Variants in PAFAH1B1 observed in about 807,000 individuals in gnomAD.
PAFAH1B1 encodes platelet-activating factor acetylhydrolase IB subunit beta.
A neutral mutation model predicts 57.5 loss-of-function variants in PAFAH1B1; 2 were observed. The ratio of observed to expected loss-of-function variants is 0.03; its 90% confidence interval spans 0.01 to 0.11. PAFAH1B1 has a LOEUF of 0.11. Ranked by LOEUF, PAFAH1B1 falls within the 10% of genes least tolerant of loss-of-function variation. The probability of loss-of-function intolerance (pLI) is 1.00; values close to 1 mark genes in which losing one functional copy is unlikely to be tolerated. For synonymous variants in PAFAH1B1, 152 were observed against 169.6 expected (o/e 0.90, Z 0.81); for missense variants, 257 against 512.0 (o/e 0.50, Z 4.81).
At chr17:2,625,675 C>T (rs1471306430) in intron 1 of PAFAH1B1, among the ~76,000 whole-genome samples, 3 of 152,194 alleles carry the variant, frequency 2.0e-5, no homozygotes, top group African/African-American at 7.2e-5. Context: ...CCTGTAATCT[C>T]AGCACTTTGG....
intron 1 of PAFAH1B1, among the ~76,000 whole-genome samples, chr17:2,621,926 C>G (rs1011233585): frequency 1.3e-5 from 2 of 152,088 alleles, no homozygotes; most frequent in African/African-American, 4.8e-5. Context: ...GCTTCAGAAT[C>G]ATGGCAGGAG....
chr17:2,667,988 T>TA (rs2069130970), intron 5 of PAFAH1B1, among the ~76,000 whole-genome samples: 1 of 151,832 alleles, frequency 6.6e-6, no homozygotes, highest in Admixed American at 6.6e-5. Flanking sequence ...ATCCTAAGGG[T>TA]TATTTCAAAG....
intron 4 of PAFAH1B1, among the ~76,000 whole-genome samples, chr17:2,666,298 A>G (rs1033804982): frequency 2.0e-5 from 3 of 152,182 alleles, no homozygotes; most frequent in Non-Finnish European, 4.4e-5. Flanking sequence ...ACTGGGTTCA[A>G]TCTGCATAGT....
chr17:2,622,082 C>T (rs899217418), intron 1 of PAFAH1B1, among the ~76,000 whole-genome samples: 1 of 152,146 alleles, frequency 6.6e-6, no homozygotes, highest in African/African-American at 2.4e-5. Flanking sequence ...GATTCAGTTA[C>T]CTCCCCCTGG....
At chr17:2,637,172 C>T (rs2068635158) in intron 1 of PAFAH1B1, among the ~76,000 whole-genome samples, 1 of 152,150 alleles carries the variant, frequency 6.6e-6, no homozygotes, top group South Asian at 2.1e-4. Flanking sequence ...CCCACAGGAT[C>T]TTCATTATAT....
chr17:2,634,851 C>A (rs975837071), intron 1 of PAFAH1B1, among the ~76,000 whole-genome samples: 1 of 152,154 alleles, frequency 6.6e-6, no homozygotes, highest in Non-Finnish European at 1.5e-5. Flanking sequence ...TTCCAGTAGA[C>A]TGTAACTTCT....
At chr17:2,678,514 C>A (rs570630025) in intron 9 of PAFAH1B1, among the ~76,000 whole-genome samples, 2 of 151,708 alleles carry the variant, frequency 1.3e-5, no homozygotes, top group East Asian at 1.9e-4. Flanking sequence ...TGCAGTGAGC[C>A]GAGATCGCAC....
At chr17:2,673,954 C>G (rs2069223491) in intron 7 of PAFAH1B1, 106 bp from the exon 8 acceptor site, 3 of 785,420 alleles carry the variant, frequency 3.8e-6, no homozygotes, top group Admixed American at 2.0e-5. Context: ...ACTTGCATCT[C>G]TAACTTGGTA....
intron 2 of PAFAH1B1, among the ~76,000 whole-genome samples, chr17:2,656,136 G>A (rs967496741): frequency 1.4e-4 from 21 of 152,108 alleles, no homozygotes; most frequent in Non-Finnish European, 2.5e-4. Flanking sequence ...ATGTTGGCCA[G>A]GCTGGTCTCG....
At chr17:2,602,620 A>G (rs2068157888) in intron 1 of PAFAH1B1, among the ~76,000 whole-genome samples, 1 of 152,150 alleles carries the variant, frequency 6.6e-6, no homozygotes, top group Non-Finnish European at 1.5e-5. Flanking sequence ...CTCTAAATTC[A>G]GTCTTGTCCG....
At chr17:2,665,576 C>T (rs2069095134) in intron 3 of PAFAH1B1, 120 bp downstream of exon 3, 2 of 627,236 alleles carry the variant, frequency 3.2e-6, no homozygotes, top group Non-Finnish European at 5.7e-6. Flanking sequence ...TGGTACTGAA[C>T]TTGATTTTCA....
intron 1 of PAFAH1B1, among the ~76,000 whole-genome samples, chr17:2,636,979 C>T (rs2068632827): frequency 6.6e-6 from 1 of 152,078 alleles, no homozygotes; most frequent in Non-Finnish European, 1.5e-5. Context: ...CCTTAACCTC[C>T]CAAAGTACTA....
chr17:2,622,089 CT>C (rs771112665), intron 1 of PAFAH1B1, among the ~76,000 whole-genome samples: 40 of 152,202 alleles, frequency 2.6e-4, no homozygotes, highest in Non-Finnish European at 5.0e-4. Context: ...TTACCTCCCC[CT>C]GGGTCTCTCC....
intron 1 of PAFAH1B1, among the ~76,000 whole-genome samples, chr17:2,604,704 G>T (rs185733385): frequency 4.5e-4 from 69 of 152,086 alleles, no homozygotes; most frequent in Admixed American, 4.1e-3. Flanking sequence ...CCAGCTACTC[G>T]GGAGACTGAG....
At chr17:2,669,472 C>T (rs1010803584) in intron 5 of PAFAH1B1, among the ~76,000 whole-genome samples, 7 of 152,070 alleles carry the variant, frequency 4.6e-5, no homozygotes, top group African/African-American at 1.7e-4. Context: ...CCATATTAGC[C>T]AGGATAGTCT....
At chr17:2,610,725 T>C (rs1381172851) in intron 1 of PAFAH1B1, among the ~76,000 whole-genome samples, 3 of 152,224 alleles carry the variant, frequency 2.0e-5, no homozygotes, top group East Asian at 1.9e-4. Context: ...TAGCACAAGC[T>C]TGGGCTAGAG....
chr17:2,655,988 A>G (rs571593254), intron 2 of PAFAH1B1, among the ~76,000 whole-genome samples: 1 of 152,090 alleles, frequency 6.6e-6, no homozygotes, highest in South Asian at 2.1e-4. Context: ...CAGTGGCACG[A>G]TCTCGGCTCA....
intron 7 of PAFAH1B1, 107 bp downstream of exon 7, chr17:2,672,864 T>TG (rs1567558917): frequency 4.1e-6 from 3 of 735,992 alleles, no homozygotes; most frequent in Non-Finnish European, 7.4e-6. Context: ...GGTCAGGAAT[T>TG]GAAGACCAGC....
Position 2,604,479 on chromosome 17 carries a change from A to G in PAFAH1B1, c.-191+10473A>G, listed in dbSNP as rs1012715731. On this transcript the variant is annotated intron_variant, in intron 1 of 10. Transcript: ENST00000397195. ...AGGGCCCATCAAATCTACACACTAA[A>G]GACAGCCAAGAGATGATACTTGAAC... 7.9e-5 allele frequency among the ~76,000 whole-genome samples: 12 copies of G among 152,194 alleles called. 1 individual carries two copies. Among genetic ancestry groups the G allele is most frequent in the Admixed American group, 7.9e-4 (12 of 15,268 alleles).
Sources: allele counts gnomAD v4.1 joint callset (sites outside exome capture counted in the v4.1 genomes callset), GRCh38; gene constraint gnomAD v4.1.1; transcripts MANE v1.5; gene names NCBI Gene and HGNC (gene_info 2026-07-23, HGNC 2026-07-21).